DLGAP1: variants seen among roughly 807,000 people sequenced by gnomAD.
The protein encoded by DLGAP1 is DLG associated protein 1.
In DLGAP1, 11 loss-of-function variants were observed where a neutral mutation model predicts 90.8. The ratio of observed to expected loss-of-function variants is 0.12; its 90% confidence interval spans 0.08 to 0.20. DLGAP1 has a LOEUF of 0.20. DLGAP1 is among the 10% of genes least tolerant of loss of function. The probability of loss-of-function intolerance (pLI) is 1.00; values close to 1 mark genes in which losing one functional copy is unlikely to be tolerated. For missense variants in DLGAP1, 1,050 were observed against 1,333.8 expected, an observed-to-expected ratio of 0.79 and a Z score of 3.31; for synonymous variants, 558 against 540.7, an observed-to-expected ratio of 1.03 and a Z score of -0.44.
At position 4,168,375 on chromosome 18, in the gene DLGAP1, C is replaced by T. The variant is rs537551093; in HGVS notation, c.-266-17088G>A. Among the ~76,000 whole-genome samples, 7 of 152,240 alleles carry T rather than the reference C, an allele frequency of 4.6e-5. No individual in the cohort carries two copies. The East Asian group carries it at 1.4e-3, about 29-fold the overall frequency. On this transcript the variant is annotated intron_variant, in intron 1 of 12. Transcript: ENST00000315677. Reference sequence around the variant, plus strand: ...CAGCAAATATTGCTGAAGCAATTAACCATCTATAAGCAAAAAAGATGAACC... The same window carrying T: ...CAGCAAATATTGCTGAAGCAATTAATCATCTATAAGCAAAAAAGATGAACC...
chr18:3,931,095 C>T (rs1455144710), intron 3 of DLGAP1, among the ~76,000 whole-genome samples: 1 of 152,144 alleles, frequency 6.6e-6, no homozygotes, highest in African/African-American at 2.4e-5. Context: ...GCCAGTCCCA[C>T]GAACTGCTCC....
intron 12 of DLGAP1, 104 bp downstream of exon 12, chr18:3,502,389 C>A: frequency 6.5e-7 from 1 of 1,528,630 alleles, no homozygotes; most frequent in Non-Finnish European, 8.8e-7. Context: ...ATATCAGCTC[C>A]ATTTCACATT....
intron 1 of DLGAP1, among the ~76,000 whole-genome samples, chr18:4,324,267 A>G (rs1414933306): frequency 2.0e-5 from 3 of 151,644 alleles, no homozygotes; most frequent in Non-Finnish European, 4.4e-5. Context: ...AAAATTTAGA[A>G]GAAATCAATA....
intron 1 of DLGAP1, among the ~76,000 whole-genome samples, chr18:4,307,610 A>G (rs1480747087): frequency 6.6e-6 from 1 of 152,054 alleles, no homozygotes; most frequent in Non-Finnish European, 1.5e-5. Flanking sequence ...TGCACCAGCC[A>G]CAGAAATAGA....
At chr18:4,064,872 C>T (rs560869952) in intron 2 of DLGAP1, among the ~76,000 whole-genome samples, 3 of 151,966 alleles carry the variant, frequency 2.0e-5, no homozygotes, top group African/African-American at 4.8e-5. Context: ...AAAGATACAA[C>T]AAAAAAAGAA....
chr18:3,642,354 A>G (rs2058971154), intron 7 of DLGAP1, among the ~76,000 whole-genome samples: 1 of 152,228 alleles, frequency 6.6e-6, no homozygotes, highest in African/African-American at 2.4e-5. Flanking sequence ...CAGTGCTCAA[A>G]AAGTTTCAGA....
intron 5 of DLGAP1, among the ~76,000 whole-genome samples, chr18:3,770,261 C>T (rs929125160): frequency 6.6e-6 from 1 of 152,118 alleles, no homozygotes; most frequent in African/African-American, 2.4e-5. Flanking sequence ...TAGGTCAGTG[C>T]TGTCACTGTG....
chr18:3,995,774 C>A (rs1402855309), intron 3 of DLGAP1: 1 of 150,008 alleles, frequency 6.7e-6, no homozygotes, highest in Non-Finnish European at 1.5e-5. Flanking sequence ...CTGTATTCAT[C>A]AGTGTTTTGC....
At chr18:3,641,342 G>A (rs573065118) in intron 7 of DLGAP1, among the ~76,000 whole-genome samples, 19 of 151,752 alleles carry the variant, frequency 1.3e-4, no homozygotes, top group Admixed American at 1.3e-4. Context: ...GAGGCTGGGA[G>A]CCTGACCAAC....
intron 2 of DLGAP1, among the ~76,000 whole-genome samples, chr18:4,131,769 T>C (rs541502272): frequency 1.4e-4 from 22 of 152,280 alleles, no homozygotes; most frequent in African/African-American, 5.3e-4. Flanking sequence ...TTACTAGCCA[T>C]AGGCACAAAT....
At chr18:4,067,823 C>T (rs1466593878) in intron 2 of DLGAP1, among the ~76,000 whole-genome samples, 1 of 152,008 alleles carries the variant, frequency 6.6e-6, no homozygotes, top group African/African-American at 2.4e-5. Context: ...TAGTTGTCCC[C>T]CCTTTCCTGA....
intron 5 of DLGAP1, among the ~76,000 whole-genome samples, chr18:3,799,200 A>T (rs2066165020): frequency 6.6e-6 from 1 of 152,208 alleles, no homozygotes; most frequent in African/African-American, 2.4e-5. Context: ...AAAAAGAAAA[A>T]GCCACAACCA....
At chr18:4,026,782 T>C (rs2074705921) in intron 2 of DLGAP1, among the ~76,000 whole-genome samples, 1 of 152,192 alleles carries the variant, frequency 6.6e-6, no homozygotes, top group Non-Finnish European at 1.5e-5. Context: ...TGCAAAAACC[T>C]TTTCACAGTC....
At chr18:4,320,790 A>T (rs1466459548) in intron 1 of DLGAP1, among the ~76,000 whole-genome samples, 3 of 152,026 alleles carry the variant, frequency 2.0e-5, no homozygotes, top group Non-Finnish European at 2.9e-5. Context: ...GAAAACCCGT[A>T]AGATTAAAAA....
intron 1 of DLGAP1, among the ~76,000 whole-genome samples, chr18:4,263,258 A>G (rs1274310724): frequency 6.6e-6 from 1 of 152,170 alleles, no homozygotes; most frequent in Non-Finnish European, 1.5e-5. Context: ...ACCAGGACGC[A>G]TTTTCATACT....
At chr18:4,325,372 A>C (rs1046859021) in intron 1 of DLGAP1, among the ~76,000 whole-genome samples, 1 of 152,154 alleles carries the variant, frequency 6.6e-6, no homozygotes, top group Non-Finnish European at 1.5e-5. Context: ...ATACAAACAA[A>C]TGAAAAAACA....
At chr18:4,437,479 T>A (rs2144797544) in intron 1 of DLGAP1, among the ~76,000 whole-genome samples, 1 of 152,286 alleles carries the variant, frequency 6.6e-6, no homozygotes, top group Admixed American at 6.5e-5. Context: ...TTAAATAATC[T>A]CCAGGCTAAT....
intron 3 of DLGAP1, among the ~76,000 whole-genome samples, chr18:3,956,358 C>CT (rs1375278233): frequency 6.6e-5 from 10 of 150,634 alleles, no homozygotes; most frequent in Non-Finnish European, 1.5e-4. Context: ...TTTTTTTTTC[C>CT]TTTTTTTTTG....
chr18:4,057,344 T>C (rs1437713444), intron 2 of DLGAP1, among the ~76,000 whole-genome samples: 1 of 152,172 alleles, frequency 6.6e-6, no homozygotes, highest in Non-Finnish European at 1.5e-5. Flanking sequence ...TATATGACCT[T>C]GTAGGAACAC....
Sources: gnomAD v4.1 joint callset for allele counts (sites outside exome capture counted in the v4.1 genomes callset) on GRCh38, gnomAD v4.1.1 for gene constraint, MANE v1.5 for transcripts, NCBI Gene and HGNC (gene_info 2026-07-23, HGNC 2026-07-21) for gene names.